ST3GAL3: variants seen among roughly 807,000 people sequenced by gnomAD.
ST3GAL3 encodes ST3 beta-galactoside alpha-2,3-sialyltransferase 3.
Under a neutral mutation model 50.1 loss-of-function variants are expected in ST3GAL3, and 21 were observed. That is an observed-to-expected ratio of 0.42 (90% CI 0.30 to 0.60). The LOEUF is 0.60. Ranked by LOEUF, ST3GAL3 falls within the 20% of genes least tolerant of loss-of-function variation. The pLI, the probability that ST3GAL3 is intolerant of heterozygous loss-of-function variation, is 0.19. For synonymous variants in ST3GAL3, 183 were observed against 190.0 expected, an observed-to-expected ratio of 0.96 and a Z score of 0.30; for missense variants, 353 against 489.4, an observed-to-expected ratio of 0.72 and a Z score of 2.63.
intron 5 of ST3GAL3, among the ~76,000 whole-genome samples, chr1:43,872,359 G>T (rs1010100706): frequency 5.3e-5 from 8 of 149,874 alleles, no homozygotes; most frequent in African/African-American, 1.7e-4. Context: ...CGGGGTGTGA[G>T]GGGGGAGGAC....
chr1:43,896,967 A>G (rs554476960), intron 6 of ST3GAL3: 2 of 151,068 alleles, frequency 1.3e-5, no homozygotes, highest in Non-Finnish European at 2.9e-5. Flanking sequence ...ATGTGTATGT[A>G]TATTCTTCAT....
At chr1:43,830,047 G>A (rs528708335) in intron 4 of ST3GAL3, among the ~76,000 whole-genome samples, 18 of 103,838 alleles carry the variant, frequency 1.7e-4, no homozygotes, top group South Asian at 9.8e-4. Context: ...TTGCTTTGTC[G>A]CCCAGGCTGG....
rs1687356247 is a variant in ST3GAL3 at position 43,754,551 on chromosome 1, G to A, written c.118+18171G>A. Reference sequence around the variant, plus strand: ...GGCACCACAAGTCGAAGGAGAAAGGGCATACAGGCTCGTTGGATGAAGCTG... The same window carrying A: ...GGCACCACAAGTCGAAGGAGAAAGGACATACAGGCTCGTTGGATGAAGCTG... On this transcript the variant is annotated intron_variant, in intron 2 of 11. Coordinates refer to ENST00000347631, the MANE Select transcript of ST3GAL3 (RefSeq NM_006279.5). Among the ~76,000 whole-genome samples, 3 of 152,292 alleles carry A rather than the reference G, an allele frequency of 2.0e-5. No homozygotes were observed. The South Asian group carries it at 6.2e-4, about 32-fold the overall frequency.
intron 3 of ST3GAL3, among the ~76,000 whole-genome samples, chr1:43,796,052 C>G (rs2058653845): frequency 6.6e-6 from 1 of 152,144 alleles, no homozygotes; most frequent in Non-Finnish European, 1.5e-5. Context: ...CCCTCATGCC[C>G]CAGCCCCCAG....
Position 43,736,419 on chromosome 1 carries a change from G to T in ST3GAL3, c.118+39G>T, listed in dbSNP as rs766784665. On this transcript the variant is annotated intron_variant, in intron 2 of 11. Coordinates refer to ENST00000347631, the MANE Select transcript of ST3GAL3 (RefSeq NM_006279.5). ...CTCTAGCTCACCCCAGGAGAAGCCTGTTGCAGGTCAGTTACTGGTTTTTCG... is the reference window on the plus strand; with the variant it reads ...CTCTAGCTCACCCCAGGAGAAGCCTTTTGCAGGTCAGTTACTGGTTTTTCG... 9.9e-6 allele frequency: 16 copies of T among 1,614,018 alleles called. No homozygotes were observed. Among genetic ancestry groups the T allele is most frequent in the African/African-American group, 2.7e-5 (2 of 74,918 alleles).
At chr1:43,787,168 G>A (rs1255475795) in intron 2 of ST3GAL3, among the ~76,000 whole-genome samples, 1 of 152,212 alleles carries the variant, frequency 6.6e-6, no homozygotes, top group African/African-American at 2.4e-5. Flanking sequence ...AGGCTGTGCT[G>A]TACTTTGGTC....
intron 2 of ST3GAL3, among the ~76,000 whole-genome samples, chr1:43,753,460 C>T (rs1558148347): frequency 6.6e-6 from 1 of 152,186 alleles, no homozygotes; most frequent in Admixed American, 6.5e-5. Context: ...GAAAGACTTG[C>T]ATTTTTGGAT....
chr1:43,743,914 G>A (rs1219109494), intron 2 of ST3GAL3, among the ~76,000 whole-genome samples: 1 of 143,320 alleles, frequency 7.0e-6, no homozygotes, highest in African/African-American at 2.6e-5. Context: ...GTACTTTTAA[G>A]AAAACAAAAT....
intron 4 of ST3GAL3, among the ~76,000 whole-genome samples, chr1:43,831,171 C>T (rs770771865): frequency 6.6e-6 from 1 of 152,196 alleles, no homozygotes; most frequent in Non-Finnish European, 1.5e-5. Context: ...TTACCTTAAG[C>T]TGATTACACT....
chr1:43,734,303 T>G (rs1230454856), intron 1 of ST3GAL3, among the ~76,000 whole-genome samples: 5 of 119,370 alleles, frequency 4.2e-5, no homozygotes, highest in Admixed American at 1.7e-4. Flanking sequence ...TCTTCTTTTT[T>G]TTTTGTTTTT....
In ST3GAL3 at chr1:43,899,043, A is replaced by C; in HGVS notation, c.462-125A>C. Reference sequence around the variant, plus strand: ...CTCTCAGAAATGCTGCCAGAAGCCCATTGGTCTTCTTCCTCTATCCCAGCC... The same window carrying C: ...CTCTCAGAAATGCTGCCAGAAGCCCCTTGGTCTTCTTCCTCTATCCCAGCC... On this transcript the variant is annotated intron_variant, in intron 7 of 11. Coordinates refer to ENST00000347631, the MANE Select transcript of ST3GAL3 (RefSeq NM_006279.5). This position sits in a 1 kb window ranked among gnomAD's most constrained non-coding sequence, Gnocchi z 5.4. 1.5e-6 allele frequency: 2 copies of C among 1,368,864 alleles called. No individual in the cohort carries two copies. The highest frequency in any genetic ancestry group is 2.5e-5 in the South Asian group (2 of 80,972). The allele number at this position is 1,368,864 out of a possible 1,614,324, so 84.8% of individuals were successfully genotyped here.
At chr1:43,746,609 C>T (rs2154104160) in intron 2 of ST3GAL3, among the ~76,000 whole-genome samples, 1 of 150,112 alleles carries the variant, frequency 6.7e-6, no homozygotes, top group East Asian at 2.0e-4. Context: ...ACTACAGGAG[C>T]CCGCCACCAC....
chr1:43,817,767 T>TCTTTCTCTTCTTCCCCTC, intron 4 of ST3GAL3, among the ~76,000 whole-genome samples: 1 of 7,478 alleles, frequency 1.3e-4, no homozygotes, highest in Non-Finnish European at 3.7e-4. Flanking sequence ...TTCTTCCTCT[T>TCTTTCTCTTCTTCCCCTC]CTTCTTCTCC....
In ST3GAL3 at chr1:43,899,406, G is replaced by C; in HGVS notation, c.558-135G>C. 2 of 1,578,662 alleles carry C rather than the reference G, an allele frequency of 1.3e-6. No individual in the cohort carries two copies. The highest frequency in any genetic ancestry group is 1.8e-5 in the Admixed American group (1 of 55,256). On this transcript the variant is annotated intron_variant, in intron 8 of 11. Transcript: ENST00000347631. This position sits in a 1 kb window ranked among gnomAD's most constrained non-coding sequence, Gnocchi z 5.4. ...CTCTGGGTTGGAGGGCTTTGGAACA[G>C]ACAACTAGCGGGGGCACCTGGGGAG...
At chr1:43,811,491 C>T (rs918718422) in intron 3 of ST3GAL3, among the ~76,000 whole-genome samples, 1 of 130,752 alleles carries the variant, frequency 7.6e-6, no homozygotes, top group South Asian at 2.6e-4. Flanking sequence ...CCTTGCTCCT[C>T]ACTTCTGCAG....
At position 43,736,349 on chromosome 1, in the gene ST3GAL3, G is replaced by A. The variant is rs138684243; in HGVS notation, c.87G>A (p.Lys29=). 10 of 1,614,006 alleles carry A rather than the reference G, an allele frequency of 6.2e-6. No homozygotes were observed. Among genetic ancestry groups the A allele is most frequent in the Non-Finnish European group, 8.5e-6 (10 of 1,180,024 alleles). The part of the protein sequence containing the change: ...VLGFLYYSAW[K]LHLLQWEEDS... ...GATTTTTGTATTATTCTGCGTGGAAGCTACACTTACTCCAGTGGGAGGAGG... is the reference window on the plus strand; with the variant it reads ...GATTTTTGTATTATTCTGCGTGGAAACTACACTTACTCCAGTGGGAGGAGG... Residue 29 remains lysine (K), a synonymous_variant, in exon 2 of 12, where the codon AAG becomes AAA. Transcript: ENST00000347631.
chr1:43,732,844 A>C (rs1276025298), intron 1 of ST3GAL3, among the ~76,000 whole-genome samples: 1 of 152,194 alleles, frequency 6.6e-6, no homozygotes, highest in Non-Finnish European at 1.5e-5. Context: ...AAGGTATATG[A>C]ATATTATAAA....
chr1:43,715,311 C>T (rs779338330), intron 1 of ST3GAL3, among the ~76,000 whole-genome samples: 3 of 152,064 alleles, frequency 2.0e-5, no homozygotes, highest in South Asian at 2.1e-4. Flanking sequence ...CGGTGGCTCA[C>T]GCCTATAATC....
At chr1:43,745,228 G>A (rs745713586) in intron 2 of ST3GAL3, among the ~76,000 whole-genome samples, 15 of 152,136 alleles carry the variant, frequency 9.9e-5, no homozygotes, top group Non-Finnish European at 2.2e-4. Context: ...TAATAACCCA[G>A]TAAAGTGAGA....
Sources: allele counts gnomAD v4.1 joint callset (sites outside exome capture counted in the v4.1 genomes callset), GRCh38; gene constraint gnomAD v4.1.1; non-coding constraint Gnocchi (gnomAD v3.1); transcripts MANE v1.5; gene names NCBI Gene and HGNC (gene_info 2026-07-23, HGNC 2026-07-21).